The following RTKN2 variants were observed in gnomAD, a reference collection of about 807,000 sequenced individuals.
RTKN2 encodes rhotekin 2.
RTKN2 carries 69 observed loss-of-function variants against 71.5 expected under a neutral mutation model. The observed-to-expected ratio is 0.96, with a 90% CI of 0.79 to 1.18. RTKN2 has a LOEUF of 1.18. RTKN2 is among the 50% of genes most tolerant of loss of function. RTKN2 has a pLI of 0.00. For synonymous variants in RTKN2, 236 were observed against 236.5 expected (o/e 1.00, Z 0.02); for missense variants, 724 against 719.7 (o/e 1.01, Z -0.07).
intron 9 of RTKN2, among the ~76,000 whole-genome samples, chr10:62,214,839 C>T (rs536852819): frequency 3.3e-5 from 5 of 152,114 alleles, no homozygotes; most frequent in East Asian, 1.9e-4. Flanking sequence ...TCTAGCAGTA[C>T]GCCTATGAGG....
Position 62,197,630 on chromosome 10 carries a change from G to GGCA in RTKN2, c.*277_*278insTGC, listed in dbSNP as rs564546890. On this transcript the variant is annotated 3_prime_UTR_variant, in exon 12 of 12. Coordinates refer to ENST00000373789, the MANE Select transcript of RTKN2 (RefSeq NM_145307.4). ...TCTGCCTAGGGCTTATTCACTGCCT[G>GGCA]GTACTAATTCAGGAATAAATTAACC... is the stretch of plus-strand genomic sequence containing the variant. 2.8e-3 allele frequency: 3,419 copies of GGCA among 1,208,100 alleles called. 3 individuals carry two copies. The highest frequency in any genetic ancestry group is 3.4e-3 in the South Asian group (137 of 40,316). The allele number at this position is 1,208,100 out of a possible 1,614,324, so 74.8% of individuals were successfully genotyped here. A position where few individuals can be genotyped will look rare whatever the true frequency, so the allele number is the denominator to read the frequency against.
At chr10:62,201,260 G>T (rs1841435475) in intron 10 of RTKN2, among the ~76,000 whole-genome samples, 1 of 151,964 alleles carries the variant, frequency 6.6e-6, no homozygotes, top group Non-Finnish European at 1.5e-5. Flanking sequence ...CATTTTTGTT[G>T]TTTGTAGTTG....
intron 4 of RTKN2, among the ~76,000 whole-genome samples, chr10:62,240,743 C>T (rs574273343): frequency 5.5e-4 from 84 of 152,158 alleles, no homozygotes; most frequent in Non-Finnish European, 1.0e-3. Context: ...AAAAATCTTT[C>T]CCTATTTCAT....
At chr10:62,241,391 G>A (rs1842371163) in intron 3 of RTKN2, among the ~76,000 whole-genome samples, 196 bp from the exon 4 acceptor site, 2 of 152,036 alleles carry the variant, frequency 1.3e-5, no homozygotes, top group Non-Finnish European at 2.9e-5. Flanking sequence ...TTTTTGTGAG[G>A]TAAAAATATA....
At chr10:62,198,633 A>G (rs1221114905) in intron 11 of RTKN2, among the ~76,000 whole-genome samples, 190 bp from the exon 12 acceptor site, 2 of 152,090 alleles carry the variant, frequency 1.3e-5, no homozygotes, top group African/African-American at 4.8e-5. Flanking sequence ...CTAATCATAC[A>G]TTATATATGT....
Position 62,225,815 on chromosome 10 carries a change from T to G in RTKN2, c.687-2483A>C, listed in dbSNP as rs893045219. On this transcript the variant is annotated intron_variant, in intron 6 of 11. Transcript: ENST00000373789. ...TTTTTTTTTTGAGACGGAGTCTCAC[T>G]CTGTCACCCAGGCTGGAGTGCAGTG... is the stretch of plus-strand genomic sequence containing the variant. Among the ~76,000 whole-genome samples, 13 of 149,932 alleles carry G rather than the reference T, an allele frequency of 8.7e-5. No individual in the cohort carries two copies. In the Admixed American group the frequency reaches 8.7e-4, roughly 10 times the overall value.
chr10:62,224,909 C>T (rs944390259), intron 6 of RTKN2, among the ~76,000 whole-genome samples: 2 of 152,128 alleles, frequency 1.3e-5, no homozygotes, highest in Non-Finnish European at 2.9e-5. Flanking sequence ...ATGAGCTCAC[C>T]TGGAGGCTCT....
chr10:62,219,095 A>G (rs1010217812), intron 7 of RTKN2, among the ~76,000 whole-genome samples: 2 of 152,230 alleles, frequency 1.3e-5, no homozygotes, highest in African/African-American at 4.8e-5. Context: ...CAATTCAGTC[A>G]TAAGCCATTA....
At chr10:62,268,404 G>T in intron 1 of RTKN2, 147 bp downstream of exon 1, 1 of 797,792 alleles carries the variant, frequency 1.3e-6, no homozygotes, top group South Asian at 1.5e-5. Context: ...CAAGAGCGCA[G>T]TCTCCTAATC....
chr10:62,244,563 C>G (rs573046230), intron 3 of RTKN2, among the ~76,000 whole-genome samples: 1 of 151,980 alleles, frequency 6.6e-6, no homozygotes, highest in Non-Finnish European at 1.5e-5. Context: ...CATTTATATA[C>G]TGAGTGACAC....
rs985403674 is a variant in RTKN2, at chr10:62,245,860, CAG to C, written c.316+137_316+138del. The C allele has an allele frequency of 4.2e-5, 25 of 594,698 alleles. No homozygotes were observed. The African/African-American group carries it at 4.7e-4, about 11-fold the overall frequency. 36.8% of individuals were successfully genotyped at this position (594,698 alleles called of 1,614,324 possible). A position where few individuals can be genotyped will look rare whatever the true frequency, so the allele number is the denominator to read the frequency against. On this transcript the variant is annotated intron_variant, in intron 3 of 11. Transcript: ENST00000373789. ...TCAATGTAGCATATAATGCTAAAAA[CAG>C]TGTTTTAGAACAAATATTCTGATAG...
At chr10:62,216,539 T>C (rs1235874319) in intron 9 of RTKN2, among the ~76,000 whole-genome samples, 2 of 152,022 alleles carry the variant, frequency 1.3e-5, no homozygotes, top group Admixed American at 6.6e-5. Context: ...GATGAAAAAA[T>C]TGTAGCTAGA....
chr10:62,255,323 G>C (rs1035007371), intron 2 of RTKN2, among the ~76,000 whole-genome samples: 4 of 152,156 alleles, frequency 2.6e-5, no homozygotes, highest in African/African-American at 9.7e-5. Context: ...CCCAGGTTTG[G>C]CATTCAAAAT....
chr10:62,187,262 T>C (rs1206586397), intron 8 of RTKN2, among the ~76,000 whole-genome samples: 11 of 148,112 alleles, frequency 7.4e-5, no homozygotes, highest in Non-Finnish European at 1.2e-4. Context: ...GGAACACTTT[T>C]GGCATCACAA....
chr10:62,195,808 G>C lies in RTKN2; in HGVS notation c.*2100C>G. The C allele has an allele frequency of 4.1e-6, 4 of 985,524 alleles. No individual in the cohort carries two copies. The highest frequency in any genetic ancestry group is 4.8e-6 in the Non-Finnish European group (4 of 830,050). The allele number at this position is 985,524 out of a possible 1,614,324, so 61.0% of individuals were successfully genotyped here. On this transcript the variant is annotated 3_prime_UTR_variant, in exon 12 of 12. Coordinates refer to ENST00000373789, the MANE Select transcript of RTKN2 (RefSeq NM_145307.4). ...CCCCCAGAAAGAGACCGAATAATTT[G>C]GTGGGGAGGGGGTGGTGGTCCTTGC...
chr10:62,253,493 G>A (rs910819944), intron 2 of RTKN2, among the ~76,000 whole-genome samples: 5 of 152,014 alleles, frequency 3.3e-5, no homozygotes, highest in South Asian at 4.1e-4. Flanking sequence ...CAGATCTTTC[G>A]AACTCCTTTG....
chr10:62,188,757 TA>T (rs1841174095), downstream of RTKN2, among the ~76,000 whole-genome samples: 1 of 151,576 alleles, frequency 6.6e-6, no homozygotes, highest in African/African-American at 2.4e-5. Context: ...TAAATTTTTT[TA>T]TTTTTTTGAG....
At chr10:62,215,609 T>C (rs1378747722) in intron 9 of RTKN2, among the ~76,000 whole-genome samples, 1 of 152,024 alleles carries the variant, frequency 6.6e-6, no homozygotes, top group Non-Finnish European at 1.5e-5. Flanking sequence ...TTAGGAGAAA[T>C]ATGCTAACAT....
At chr10:62,192,679 G>A (rs1841241459), downstream of RTKN2, among the ~76,000 whole-genome samples, 1 of 152,172 alleles carries the variant, frequency 6.6e-6, no homozygotes, top group Non-Finnish European at 1.5e-5. Context: ...TGCTGACTTT[G>A]AAGACCGAAG....
Sources: gnomAD v4.1 joint callset for allele counts (sites outside exome capture counted in the v4.1 genomes callset) on GRCh38, gnomAD v4.1.1 for gene constraint, MANE v1.5 for transcripts, NCBI Gene and HGNC (gene_info 2026-07-23, HGNC 2026-07-21) for gene names.